FAM114A1: variants seen among roughly 807,000 people sequenced by gnomAD.
FAM114A1 encodes family with sequence similarity 114 member A1, also known as protein NOXP20.
In FAM114A1, 62 loss-of-function variants were observed where a neutral mutation model predicts 64.3. The observed-to-expected ratio is 0.96, with a 90% CI of 0.79 to 1.19. The LOEUF (loss-of-function observed/expected upper bound fraction) is 1.19. Among genes scored for constraint, FAM114A1 ranks in the 50% most tolerant of loss-of-function variants. The probability of loss-of-function intolerance (pLI) is 0.00; values close to 1 mark genes in which losing one functional copy is unlikely to be tolerated. For synonymous variants in FAM114A1, 254 were observed against 251.1 expected (o/e 1.01, Z -0.11); for missense variants, 645 against 676.3 (o/e 0.95, Z 0.51).
chr4:38,875,031 T>G (rs1714471808), intron 2 of FAM114A1, among the ~76,000 whole-genome samples: 1 of 152,184 alleles, frequency 6.6e-6, no homozygotes, highest in Non-Finnish European at 1.5e-5. Flanking sequence ...TGTTGGCTTA[T>G]GTGTTTTATT....
rs1204706226 is a variant in FAM114A1 at position 38,929,274 on chromosome 4, A to G, written c.1102A>G (p.Met368Val). 1 of 1,614,044 alleles carries G rather than the reference A, an allele frequency of 6.2e-7. No homozygotes were observed. Among genetic ancestry groups the G allele is most frequent in the Non-Finnish European group, 8.5e-7 (1 of 1,179,918 alleles). Residue 368 changes from methionine (M) to valine (V), a missense_variant, in exon 10 of 15, where the codon ATG becomes GTG. Physicochemically the swap from Met to Val is conservative, Grantham distance 21. Coordinates refer to ENST00000358869, the MANE Select transcript of FAM114A1 (RefSeq NM_138389.4). ...AGAAAAGGGAGAAGAATTTGCTCGC[A>G]TGCTTACAGAGCTTCTCTTTGAATT... ...LEEKGEEFARMLTELLFELHV... is the reference protein window; with the variant it reads ...LEEKGEEFARVLTELLFELHV...
At chr4:38,909,475 G>C (rs1718328539) in intron 7 of FAM114A1, among the ~76,000 whole-genome samples, 1 of 152,100 alleles carries the variant, frequency 6.6e-6, no homozygotes, top group South Asian at 2.1e-4. Flanking sequence ...AGCCCTTCTT[G>C]CAAAACATAA....
chr4:38,891,726 A>T lies in FAM114A1; in HGVS notation c.349-17A>T. Reference sequence around the variant, plus strand: ...TATACTGAATTTCTGACCTGTGGCTAATTTGTTTTTCTCCAGGCTGTGGAT... The same window carrying T: ...TATACTGAATTTCTGACCTGTGGCTTATTTGTTTTTCTCCAGGCTGTGGAT... On this transcript the variant is annotated splice_polypyrimidine_tract_variant and intron_variant, in intron 3 of 14. Transcript: ENST00000358869. The T allele has an allele frequency of 6.3e-7, 1 of 1,588,268 alleles. No individual in the cohort carries two copies. Among genetic ancestry groups the T allele is most frequent in the Non-Finnish European group, 8.6e-7 (1 of 1,168,250 alleles).
intron 14 of FAM114A1, among the ~76,000 whole-genome samples, chr4:38,941,797 C>A (rs1247529586): frequency 2.6e-5 from 4 of 152,308 alleles, no homozygotes; most frequent in African/African-American, 9.6e-5. Flanking sequence ...ATGGGCAATG[C>A]ATATATCATA....
intron 12 of FAM114A1, among the ~76,000 whole-genome samples, chr4:38,933,441 C>T (rs1720828205): frequency 6.6e-6 from 1 of 152,194 alleles, no homozygotes; most frequent in South Asian, 2.1e-4. Flanking sequence ...ACCAGGTCTC[C>T]ACGTTCCAAA....
At chr4:38,924,666 T>C (rs1719938885) in intron 9 of FAM114A1, among the ~76,000 whole-genome samples, 1 of 152,214 alleles carries the variant, frequency 6.6e-6, no homozygotes, top group South Asian at 2.1e-4. Flanking sequence ...TTGGGAATCA[T>C]GTTTTTGAGC....
At chr4:38,923,364 A>G (rs191332899) in intron 9 of FAM114A1, among the ~76,000 whole-genome samples, 2 of 151,726 alleles carry the variant, frequency 1.3e-5, no homozygotes, top group African/African-American at 2.4e-5. Flanking sequence ...GCTGGGATAC[A>G]GGCGCTTGCC....
intron 9 of FAM114A1, among the ~76,000 whole-genome samples, chr4:38,925,759 T>G (rs777839594): frequency 1.3e-5 from 2 of 152,212 alleles, no homozygotes; most frequent in Non-Finnish European, 2.9e-5. Context: ...TTTTATTGCT[T>G]CGGTGAAGAT....
intron 2 of FAM114A1, among the ~76,000 whole-genome samples, chr4:38,873,865 G>A (rs1477933698): frequency 6.6e-6 from 1 of 152,148 alleles, no homozygotes; most frequent in Non-Finnish European, 1.5e-5. Context: ...GGAGAGGAAG[G>A]GGAAGCTCCT....
chr4:38,918,756 C>T (rs1290654853), intron 8 of FAM114A1, among the ~76,000 whole-genome samples: 2 of 151,942 alleles, frequency 1.3e-5, no homozygotes, highest in Non-Finnish European at 2.9e-5. Context: ...GCCAGGAGTT[C>T]GAGACTAGCC....
intron 3 of FAM114A1, among the ~76,000 whole-genome samples, chr4:38,881,186 A>G (rs1435336648): frequency 1.4e-5 from 2 of 147,424 alleles, no homozygotes; most frequent in Non-Finnish European, 3.0e-5. Context: ...CCTGGGTGAC[A>G]GCGAGACTCT....
chr4:38,891,500 A>G (rs912194778), intron 3 of FAM114A1, among the ~76,000 whole-genome samples: 1 of 151,826 alleles, frequency 6.6e-6, no homozygotes, highest in East Asian at 1.9e-4. Context: ...TTAACATCAA[A>G]CTCCCTTCTC....
At chr4:38,913,814 T>C (rs950641373) in intron 7 of FAM114A1, among the ~76,000 whole-genome samples, 1 of 152,092 alleles carries the variant, frequency 6.6e-6, no homozygotes, top group African/African-American at 2.4e-5. Context: ...ATATTAAAAC[T>C]CGGCCAGGTG....
chr4:38,932,267 G>A lies in FAM114A1; in HGVS notation c.1356G>A (p.Ala452=), dbSNP rs145069128. The change falls in exon 12 of 15, where the codon GCG becomes GCA. Residue 452 remains alanine (A), a synonymous_variant. Transcript: ENST00000358869. ...ACATGTCGTCCATTGAAAGTCTGGC[G>A]GAGGTAACAGCGCGCTGTATTGAGC... The part of the protein sequence containing the change: ...EVYMSSIESL[A]EVTARCIEQL... 42 of 1,608,762 alleles carry A rather than the reference G, an allele frequency of 2.6e-5. No individual in the cohort carries two copies. Among genetic ancestry groups the A allele is most frequent in the Middle Eastern group, 3.3e-4 (2 of 6,046 alleles).
chr4:38,942,367 T>A (rs1011973941), intron 14 of FAM114A1, among the ~76,000 whole-genome samples: 1 of 152,060 alleles, frequency 6.6e-6, no homozygotes, highest in East Asian at 1.9e-4. Flanking sequence ...TGGGATGGCA[T>A]CAGCCAGAAG....
chr4:38,874,715 G>T (rs552946668), intron 2 of FAM114A1, among the ~76,000 whole-genome samples: 36 of 152,198 alleles, frequency 2.4e-4, no homozygotes, highest in African/African-American at 8.2e-4. Flanking sequence ...ATTGCTTTTG[G>T]AGTCTTTGTC....
intron 7 of FAM114A1, among the ~76,000 whole-genome samples, chr4:38,910,538 C>T (rs1440859362): frequency 3.3e-5 from 5 of 151,962 alleles, no homozygotes; most frequent in African/African-American, 4.8e-5. Flanking sequence ...CAGAAAGTGA[C>T]GAGCGAGTGC....
At chr4:38,933,444 G>A (rs767053420) in intron 12 of FAM114A1, among the ~76,000 whole-genome samples, 5 of 152,154 alleles carry the variant, frequency 3.3e-5, no homozygotes, top group Admixed American at 1.3e-4. Flanking sequence ...AGGTCTCCAC[G>A]TTCCAAACTC....
intron 9 of FAM114A1, among the ~76,000 whole-genome samples, chr4:38,927,987 ATC>A (rs1720298035): frequency 6.6e-6 from 1 of 152,150 alleles, no homozygotes; most frequent in African/African-American, 2.4e-5. Context: ...TGGACTACTT[ATC>A]TGTTTTGATT....
Sources: allele counts gnomAD v4.1 joint callset (sites outside exome capture counted in the v4.1 genomes callset), GRCh38; gene constraint gnomAD v4.1.1; transcripts MANE v1.5; gene names NCBI Gene and HGNC (gene_info 2026-07-23, HGNC 2026-07-21).